KLHL14: variants seen among roughly 807,000 people sequenced by gnomAD.
KLHL14 encodes kelch-like protein 14.
Under a neutral mutation model 64.3 loss-of-function variants are expected in KLHL14, and 22 were observed. That is an observed-to-expected ratio of 0.34 (90% CI 0.24 to 0.49). The LOEUF (loss-of-function observed/expected upper bound fraction) is 0.49, where lower values mean the gene tolerates loss of function less well. KLHL14 is among the 20% of genes least tolerant of loss of function. KLHL14 has a pLI of 0.99. For missense variants in KLHL14, 661 were observed against 789.0 expected (o/e 0.84, Z 1.94); for synonymous variants, 322 against 333.4 (o/e 0.97, Z 0.37).
intron 3 of KLHL14, among the ~76,000 whole-genome samples, chr18:32,730,515 T>C (rs1375678821): frequency 2.0e-5 from 3 of 152,230 alleles, no homozygotes; most frequent in African/African-American, 7.2e-5. Context: ...GGCATTATAA[T>C]AGAAAAGCAT....
rs754363997 is a variant in KLHL14, at chr18:32,742,037, G to T, written c.960C>A (p.Asn320Lys). 1.2e-6 allele frequency: 2 copies of T among 1,612,568 alleles called. No individual in the cohort carries two copies. The highest frequency in any genetic ancestry group is 1.1e-5 in the South Asian group (1 of 90,560). The change falls in exon 3 of 9, where the codon AAC becomes AAA. Residue 320 changes from asparagine to lysine, a missense_variant. By Grantham distance (94) the Asn-to-Lys change is moderately conservative. Coordinates refer to ENST00000359358, the MANE Select transcript of KLHL14 (RefSeq NM_020805.3). ...RQSLASRIRSNKKMLLLVGGL... is the reference protein window; with the variant it reads ...RQSLASRIRSKKKMLLLVGGL... ...CTCCAACCAATAACAGCATTTTCTT[G>T]TTAGAGCGAATTCTTCACCCAAAAC...
intron 3 of KLHL14, among the ~76,000 whole-genome samples, chr18:32,724,070 G>A (rs1439195392): frequency 1.3e-5 from 2 of 152,128 alleles, no homozygotes; most frequent in African/African-American, 4.8e-5. Context: ...ATCAAATAAT[G>A]TCAGTTACAG....
At chr18:32,750,035 A>T (rs2050243323) in intron 2 of KLHL14, among the ~76,000 whole-genome samples, 1 of 151,648 alleles carries the variant, frequency 6.6e-6, no homozygotes, top group Non-Finnish European at 1.5e-5. Flanking sequence ...GAGGGGGGCA[A>T]TGAGAGAGAG....
chr18:32,739,165 T>C (rs1421087509), intron 3 of KLHL14, among the ~76,000 whole-genome samples: 2 of 152,092 alleles, frequency 1.3e-5, no homozygotes, highest in Admixed American at 1.3e-4. Flanking sequence ...CAGGGGACTG[T>C]CTCCTACCTT....
At chr18:32,708,423 CA>C (rs2050001706) in intron 3 of KLHL14, among the ~76,000 whole-genome samples, 1 of 152,018 alleles carries the variant, frequency 6.6e-6, no homozygotes, top group Non-Finnish European at 1.5e-5. Context: ...AGATTTGTGT[CA>C]AAAAAATCTA....
rs116791108 is a variant in KLHL14 at position 32,729,408 on chromosome 18, G to C, written c.1069+12520C>G. Among the ~76,000 whole-genome samples, 467 of 152,256 alleles carry C rather than the reference G, an allele frequency of 3.1e-3. 2 individuals are homozygous for C. Among genetic ancestry groups the C allele is most frequent in the African/African-American group, 0.011 (448 of 41,538 alleles). On this transcript the variant is annotated intron_variant, in intron 3 of 8. Transcript: ENST00000359358. ...ATTTAACACATACAATAGTCACATGGGGCTAGTGACTTCCATGTTAGACTG... is the reference window on the plus strand; with the variant it reads ...ATTTAACACATACAATAGTCACATGCGGCTAGTGACTTCCATGTTAGACTG...
chr18:32,678,403 G>T (rs1443492945), intron 7 of KLHL14, among the ~76,000 whole-genome samples: 3 of 152,078 alleles, frequency 2.0e-5, no homozygotes, highest in Non-Finnish European at 4.4e-5. Flanking sequence ...TTCTTGAAGA[G>T]GTAGACAGGT....
At chr18:32,715,993 A>G (rs542434981) in intron 3 of KLHL14, among the ~76,000 whole-genome samples, 4 of 152,320 alleles carry the variant, frequency 2.6e-5, no homozygotes, top group Admixed American at 6.5e-5. Context: ...CAGTGAAATT[A>G]CTAAAAAGCC....
At chr18:32,705,953 T>G (rs571637818) in intron 3 of KLHL14, among the ~76,000 whole-genome samples, 1 of 152,330 alleles carries the variant, frequency 6.6e-6, no homozygotes, top group East Asian at 1.9e-4. Flanking sequence ...TTTCCTGACA[T>G]GTGGAGCCAC....
chr18:32,694,933 C>T (rs968253730), intron 4 of KLHL14, among the ~76,000 whole-genome samples: 18 of 152,100 alleles, frequency 1.2e-4, no homozygotes, highest in Admixed American at 1.3e-4. Context: ...ATCACATCTA[C>T]GGGGAGGATG....
At chr18:32,772,295 C>A in intron 1 of KLHL14, 5 of 357,734 alleles carry the variant, frequency 1.4e-5, no homozygotes, top group South Asian at 4.0e-5. Context: ...CAGGTGGACC[C>A]TACCCTCCCT....
At chr18:32,761,389 C>T (rs1226397193) in intron 2 of KLHL14, among the ~76,000 whole-genome samples, 4 of 127,754 alleles carry the variant, frequency 3.1e-5, no homozygotes, top group Non-Finnish European at 4.8e-5. Flanking sequence ...TGTAGCCACA[C>T]ATCCTTTTTT....
chr18:32,711,657 GAGCATCAAGGGCTAGTAGC>G (rs1299608581), intron 3 of KLHL14, among the ~76,000 whole-genome samples: 1 of 152,162 alleles, frequency 6.6e-6, no homozygotes, highest in Non-Finnish European at 1.5e-5. Context: ...AAGAGTATCT[GAGCATCAAGGGCTAGTAGC>G]AAGGCCTAAA....
chr18:32,718,348 A>G (rs28435690), intron 3 of KLHL14, among the ~76,000 whole-genome samples: 6,839 of 152,240 alleles, frequency 0.045, 470 homozygotes, highest in African/African-American at 0.15. Context: ...CCCTGTTTAC[A>G]TTATTCTCTT....
chr18:32,770,265 GGAA>G lies in KLHL14; in HGVS notation c.324_326del (p.Ser110del), dbSNP rs1289489943. 9.4e-6 allele frequency: 15 copies of G among 1,593,730 alleles called. No homozygotes were observed. Among genetic ancestry groups the G allele is most frequent in the African/African-American group, 2.7e-5 (2 of 74,588 alleles). ...TGGTCAGCAGCTTGTCGTCGGGGGA[GGAA>G]GAAGGAGTCCCGGGCTCCTCCTGCG... On this transcript the variant is annotated inframe_deletion, in exon 2 of 9. Transcript: ENST00000359358. The surrounding 1 kb of genome is among the most constrained non-coding windows in gnomAD (Gnocchi z 6.7).
At chr18:32,727,975 C>T (rs910762105) in intron 3 of KLHL14, among the ~76,000 whole-genome samples, 1 of 152,058 alleles carries the variant, frequency 6.6e-6, no homozygotes. Context: ...CAGAAAGCAG[C>T]GGTAGAAGCT....
At chr18:32,771,904 G>C (rs1232122140) in intron 1 of KLHL14, 3 of 163,176 alleles carry the variant, frequency 1.8e-5, no homozygotes, top group African/African-American at 7.2e-5. Flanking sequence ...GCCCCCAGCG[G>C]CCCCCCACTC....
intron 3 of KLHL14, among the ~76,000 whole-genome samples, chr18:32,726,366 G>A (rs2050108138): frequency 6.6e-6 from 1 of 152,172 alleles, no homozygotes; most frequent in African/African-American, 2.4e-5. Flanking sequence ...GCTCACACCT[G>A]TAATCCCAGC....
intron 5 of KLHL14, among the ~76,000 whole-genome samples, chr18:32,685,194 G>A (rs962986979): frequency 6.6e-6 from 1 of 152,146 alleles, no homozygotes; most frequent in African/African-American, 2.4e-5. Context: ...GCTAAAAATT[G>A]TCTAAGTAGG....
Sources: allele counts gnomAD v4.1 joint callset (sites outside exome capture counted in the v4.1 genomes callset), GRCh38; gene constraint gnomAD v4.1.1; non-coding constraint Gnocchi (gnomAD v3.1); transcripts MANE v1.5; gene names NCBI Gene and HGNC (gene_info 2026-07-23, HGNC 2026-07-21).